The following HS6ST3 variants were observed in gnomAD, a reference collection of about 807,000 sequenced individuals.
HS6ST3 encodes heparan-sulfate 6-O-sulfotransferase 3.
A neutral mutation model predicts 36.7 loss-of-function variants in HS6ST3; 12 were observed. That is an observed-to-expected ratio of 0.33 (90% confidence interval 0.21 to 0.53). The LOEUF is 0.53. Among genes scored for constraint, HS6ST3 ranks in the 20% least tolerant of loss-of-function variants. The pLI is 0.95. For missense variants in HS6ST3, 584 were observed against 640.9 expected (o/e 0.91, Z 0.96); for synonymous variants, 240 against 257.5 (o/e 0.93, Z 0.65).
chr13:96,701,230 G>A (rs1003302875), intron 1 of HS6ST3, among the ~76,000 whole-genome samples: 2 of 152,146 alleles, frequency 1.3e-5, no homozygotes, highest in African/African-American at 4.8e-5. Flanking sequence ...TGCAGTGTAT[G>A]ATTAAAACCC....
chr13:96,120,570 A>G (rs1453744113), intron 1 of HS6ST3, among the ~76,000 whole-genome samples: 1 of 152,220 alleles, frequency 6.6e-6, no homozygotes, highest in African/African-American at 2.4e-5. Context: ...TCTAATTAGT[A>G]GCATATTGAA....
intron 1 of HS6ST3, among the ~76,000 whole-genome samples, chr13:96,705,586 A>G (rs924764574): frequency 2.0e-5 from 3 of 152,062 alleles, no homozygotes; most frequent in African/African-American, 4.8e-5. Flanking sequence ...TGGTCCTTCT[A>G]TGGGCCCATA....
In HS6ST3 at chr13:96,440,893, A is replaced by G. The variant is rs72639761; in HGVS notation, c.707+349324A>G. Reference sequence around the variant, plus strand: ...CATTTATTGCTAAGTTGATTTAAGAAATAGACGGAGGACTGCAATGGACTG... The same window carrying G: ...CATTTATTGCTAAGTTGATTTAAGAGATAGACGGAGGACTGCAATGGACTG... On this transcript the variant is annotated intron_variant, in intron 1 of 1. Transcript: ENST00000376705. Among the ~76,000 whole-genome samples, 963 of 152,346 alleles carry G rather than the reference A, an allele frequency of 6.3e-3. 20 individuals are homozygous for G. Among genetic ancestry groups the G allele is most frequent in the Middle Eastern group, 0.02 (6 of 294 alleles).
At chr13:96,212,146 T>C (rs527421242) in intron 1 of HS6ST3, among the ~76,000 whole-genome samples, 1 of 152,322 alleles carries the variant, frequency 6.6e-6, no homozygotes, top group South Asian at 2.1e-4. Flanking sequence ...AGCTTTTTTG[T>C]AGAATTTTTG....
At chr13:96,141,548 G>A (rs1368385228) in intron 1 of HS6ST3, among the ~76,000 whole-genome samples, 9 of 151,780 alleles carry the variant, frequency 5.9e-5, no homozygotes, top group African/African-American at 1.2e-4. Flanking sequence ...AGGTGGTCTC[G>A]AACTCCTGGC....
At chr13:96,200,078 A>C (rs909171151) in intron 1 of HS6ST3, among the ~76,000 whole-genome samples, 1 of 152,184 alleles carries the variant, frequency 6.6e-6, no homozygotes, top group African/African-American at 2.4e-5. Context: ...CTTAAAATGA[A>C]CTTCCCTTAC....
At chr13:96,449,027 T>C (rs2055713958) in intron 1 of HS6ST3, among the ~76,000 whole-genome samples, 1 of 152,128 alleles carries the variant, frequency 6.6e-6, no homozygotes, top group African/African-American at 2.4e-5. Context: ...ACTGGTGTGA[T>C]CATAGCTCAC....
intron 1 of HS6ST3, among the ~76,000 whole-genome samples, chr13:96,576,469 A>T (rs1594810551): frequency 6.6e-6 from 1 of 152,266 alleles, no homozygotes; most frequent in East Asian, 1.9e-4. Context: ...AATTTGAAGA[A>T]TTATATAGGT....
intron 1 of HS6ST3, among the ~76,000 whole-genome samples, chr13:96,582,845 T>G (rs2056346728): frequency 1.3e-5 from 2 of 152,200 alleles, no homozygotes; most frequent in South Asian, 4.1e-4. Context: ...ATTTTGTAGA[T>G]AAAATGCAGG....
chr13:96,734,254 C>G (rs1200682311), intron 1 of HS6ST3, among the ~76,000 whole-genome samples: 1 of 152,224 alleles, frequency 6.6e-6, no homozygotes, highest in Non-Finnish European at 1.5e-5. Flanking sequence ...AGGAAATACT[C>G]TACACCATTG....
intron 1 of HS6ST3, among the ~76,000 whole-genome samples, chr13:96,791,204 G>A (rs767988250): frequency 1.9e-4 from 29 of 151,948 alleles, no homozygotes; most frequent in Non-Finnish European, 4.0e-4. Flanking sequence ...GAATCTTGAC[G>A]AACCTCTATT....
At chr13:96,724,258 G>C (rs897134565) in intron 1 of HS6ST3, among the ~76,000 whole-genome samples, 2 of 152,230 alleles carry the variant, frequency 1.3e-5, no homozygotes, top group African/African-American at 4.8e-5. Flanking sequence ...TGAGCAGATA[G>C]AGATCAGCTT....
chr13:96,804,898 T>A (rs543244763), intron 1 of HS6ST3, among the ~76,000 whole-genome samples: 1 of 152,344 alleles, frequency 6.6e-6, no homozygotes, highest in African/African-American at 2.4e-5. Flanking sequence ...CTGTAATCCA[T>A]CTTTCTCCTT....
intron 1 of HS6ST3, among the ~76,000 whole-genome samples, chr13:96,502,065 C>T (rs1197850739): frequency 1.3e-5 from 2 of 152,252 alleles, no homozygotes; most frequent in East Asian, 3.9e-4. Context: ...TCTAACTTTC[C>T]ACCTTTAAGA....
At chr13:96,773,871 TCTCCTGACTGGGAGACAC>T (rs1877330207) in intron 1 of HS6ST3, among the ~76,000 whole-genome samples, 1 of 152,160 alleles carries the variant, frequency 6.6e-6, no homozygotes, top group South Asian at 2.1e-4. Context: ...GACCCCTGTG[TCTCCTGACTGGGAGACAC>T]CTCCCAGCAG....
rs1026789222 is a variant in HS6ST3, at chr13:96,737,319, A to T, written c.708-95171A>T. ...TAGAATATAGAAAATCTATGCAGACATATTTCTATAAAAGAGATTATTTTG... is the reference window on the plus strand; with the variant it reads ...TAGAATATAGAAAATCTATGCAGACTTATTTCTATAAAAGAGATTATTTTG... On this transcript the variant is annotated intron_variant, in intron 1 of 1. Transcript: ENST00000376705. Among the ~76,000 whole-genome samples, 2 of 152,240 alleles carry T rather than the reference A, an allele frequency of 1.3e-5. 1 individual carries two copies. Among genetic ancestry groups the T allele is most frequent in the Non-Finnish European group, 2.9e-5 (2 of 68,046 alleles).
intron 1 of HS6ST3, among the ~76,000 whole-genome samples, chr13:96,364,865 A>G (rs1356463900): frequency 6.6e-6 from 1 of 152,230 alleles, no homozygotes; most frequent in African/African-American, 2.4e-5. Flanking sequence ...CTACTTTCAC[A>G]TATTACACAG....
intron 1 of HS6ST3, among the ~76,000 whole-genome samples, chr13:96,581,613 A>G (rs1403528967): frequency 6.6e-6 from 1 of 152,208 alleles, no homozygotes; most frequent in Non-Finnish European, 1.5e-5. Flanking sequence ...CTGAGACAGT[A>G]GTCTTGGTGA....
At chr13:96,802,555 C>T (rs374108870) in intron 1 of HS6ST3, among the ~76,000 whole-genome samples, 22 of 152,216 alleles carry the variant, frequency 1.4e-4, no homozygotes, top group Admixed American at 2.6e-4. Context: ...CTTAATTATC[C>T]GTCATTTGGT....
Sources: gnomAD v4.1 joint callset for allele counts (sites outside exome capture counted in the v4.1 genomes callset) on GRCh38, gnomAD v4.1.1 for gene constraint, MANE v1.5 for transcripts, NCBI Gene and HGNC (gene_info 2026-07-23, HGNC 2026-07-21) for gene names.